The following C9 variants were observed in gnomAD, a reference collection of about 807,000 sequenced individuals.
C9 encodes the protein complement component C9.
Under a neutral mutation model 65.4 loss-of-function variants are expected in C9, and 63 were observed. The observed-to-expected ratio is 0.96, with a 90% confidence interval of 0.79 to 1.19. C9 has a LOEUF of 1.19. Among genes scored for constraint, C9 ranks in the 50% most tolerant of loss-of-function variants. The pLI is 0.00. For missense variants in C9, 744 were observed against 670.1 expected, an observed-to-expected ratio of 1.11 and a Z score of -1.22; for synonymous variants, 229 against 227.9, an observed-to-expected ratio of 1.00 and a Z score of -0.04.
At chr5:39,304,847 C>CA (rs1753345397) in intron 9 of C9, among the ~76,000 whole-genome samples, 1 of 152,170 alleles carries the variant, frequency 6.6e-6, no homozygotes, top group Non-Finnish European at 1.5e-5. Flanking sequence ...AGCAGGACTG[C>CA]ACCAACAAAG....
chr5:39,288,396 T>C (rs2111834729), intron 10 of C9, among the ~76,000 whole-genome samples: 1 of 151,978 alleles, frequency 6.6e-6, no homozygotes, highest in East Asian at 1.9e-4. Flanking sequence ...ATGATATATA[T>C]GTATTAACAT....
At chr5:39,345,094 C>T (rs202120335) in intron 1 of C9, among the ~76,000 whole-genome samples, 43,065 of 151,174 alleles carry the variant, frequency 0.28, 6,992 homozygotes, top group Non-Finnish European at 0.36. Context: ...TCATCAATGC[C>T]AGGAAGAAAC....
intron 6 of C9, among the ~76,000 whole-genome samples, chr5:39,315,221 G>C (rs1286291387): frequency 6.6e-6 from 1 of 152,130 alleles, no homozygotes; most frequent in East Asian, 1.9e-4. Flanking sequence ...GCGTCATGCT[G>C]ATTACAGAGA....
At chr5:39,301,255 C>T (rs889717716) in intron 9 of C9, among the ~76,000 whole-genome samples, 5 of 151,950 alleles carry the variant, frequency 3.3e-5, no homozygotes, top group Non-Finnish European at 7.4e-5. Context: ...AGACATTTGA[C>T]GTGATAACTG....
At chr5:39,327,366 A>G (rs1276791947) in intron 5 of C9, among the ~76,000 whole-genome samples, 1 of 152,222 alleles carries the variant, frequency 6.6e-6, no homozygotes, top group Non-Finnish European at 1.5e-5. Context: ...TCATTCCTAC[A>G]TGAGAAGTGA....
At chr5:39,340,944 G>A (rs1029664080) in intron 4 of C9, 4 of 641,812 alleles carry the variant, frequency 6.2e-6, no homozygotes, top group Non-Finnish European at 1.1e-5. Context: ...CCCCTACTGA[G>A]GGCAGGCAAT....
At chr5:39,296,770 T>G (rs1168067448) in intron 9 of C9, among the ~76,000 whole-genome samples, 1 of 151,520 alleles carries the variant, frequency 6.6e-6, no homozygotes, top group East Asian at 1.9e-4. Flanking sequence ...GAACAAAATC[T>G]TGTCATTTGT....
chr5:39,351,266 T>G (rs1579879474), intron 1 of C9, among the ~76,000 whole-genome samples: 1 of 152,170 alleles, frequency 6.6e-6, no homozygotes, highest in Non-Finnish European at 1.5e-5. Flanking sequence ...CTCCTAGATA[T>G]CCAAGCCTGT....
chr5:39,320,564 T>C (rs766000263), intron 5 of C9, among the ~76,000 whole-genome samples: 1 of 152,148 alleles, frequency 6.6e-6, no homozygotes, highest in Non-Finnish European at 1.5e-5. Context: ...ATATGTATTA[T>C]GGTGCCCCAG....
chr5:39,350,835 A>T (rs1368447777), intron 1 of C9, among the ~76,000 whole-genome samples: 1 of 152,132 alleles, frequency 6.6e-6, no homozygotes, highest in Non-Finnish European at 1.5e-5. Flanking sequence ...TGGATCTACC[A>T]ATCTGGGGTC....
chr5:39,297,371 A>T (rs1306338766), intron 9 of C9, among the ~76,000 whole-genome samples: 1 of 151,594 alleles, frequency 6.6e-6, no homozygotes, highest in Non-Finnish European at 1.5e-5. Flanking sequence ...TAGCAAGTAC[A>T]GATTTTAATT....
intron 9 of C9, among the ~76,000 whole-genome samples, chr5:39,297,651 A>G (rs1753209099): frequency 6.6e-6 from 1 of 151,740 alleles, no homozygotes; most frequent in Non-Finnish European, 1.5e-5. Flanking sequence ...GAAGTTTTCA[A>G]TATACAAAGA....
chr5:39,349,738 A>G (rs1272444468), intron 1 of C9, among the ~76,000 whole-genome samples: 1 of 152,148 alleles, frequency 6.6e-6, no homozygotes, highest in African/African-American at 2.4e-5. Context: ...CATGGCATTC[A>G]ATGTATTCAC....
chr5:39,344,495 A>G (rs1203216680), intron 1 of C9, among the ~76,000 whole-genome samples: 2 of 152,244 alleles, frequency 1.3e-5, no homozygotes, highest in African/African-American at 4.8e-5. Context: ...AGAAATGAAC[A>G]AAGCCTCCAA....
intron 5 of C9, among the ~76,000 whole-genome samples, chr5:39,327,378 G>T (rs763317416): frequency 1.3e-5 from 2 of 152,132 alleles, no homozygotes; most frequent in African/African-American, 2.4e-5. Context: ...GAGAAGTGAT[G>T]GGAGCTTAAG....
chr5:39,346,847 G>A (rs895507274), intron 1 of C9, among the ~76,000 whole-genome samples: 5 of 152,072 alleles, frequency 3.3e-5, no homozygotes, highest in Non-Finnish European at 7.4e-5. Flanking sequence ...TTCATCCCTG[G>A]GATGCAAGGC....
At chr5:39,295,842 G>C (rs1215961505) in intron 9 of C9, among the ~76,000 whole-genome samples, 2 of 151,498 alleles carry the variant, frequency 1.3e-5, no homozygotes, top group Non-Finnish European at 3.0e-5. Context: ...AGGCACATAA[G>C]CAAATGGAAC....
chr5:39,312,760 A>G (rs1753507985), intron 6 of C9, among the ~76,000 whole-genome samples: 1 of 152,192 alleles, frequency 6.6e-6, no homozygotes, highest in African/African-American at 2.4e-5. Flanking sequence ...TATGATGATT[A>G]TGTGGGAGTT....
intron 5 of C9, among the ~76,000 whole-genome samples, chr5:39,316,644 A>G (rs1346480918): frequency 6.6e-6 from 1 of 152,200 alleles, no homozygotes; most frequent in Non-Finnish European, 1.5e-5. Context: ...AATGGCTTCC[A>G]GCTCCATCCA....
Sources: gnomAD v4.1 joint callset for allele counts (sites outside exome capture counted in the v4.1 genomes callset) on GRCh38, gnomAD v4.1.1 for gene constraint, MANE v1.5 for transcripts, NCBI Gene and HGNC (gene_info 2026-07-23, HGNC 2026-07-21) for gene names.